AIG1: variants seen among roughly 807,000 people sequenced by gnomAD.
AIG1 encodes androgen induced 1.
AIG1 carries 23 observed loss-of-function variants against 31.4 expected under a neutral mutation model. That is an observed-to-expected ratio of 0.73 (90% CI 0.53 to 1.04). The LOEUF (loss-of-function observed/expected upper bound fraction) is 1.04, where lower values mean the gene tolerates loss of function less well. Among genes scored for constraint, AIG1 ranks in the 50% least tolerant of loss-of-function variants. The pLI is 0.00. For missense variants in AIG1, 274 were observed against 295.0 expected, an observed-to-expected ratio of 0.93 and a Z score of 0.52; for synonymous variants, 100 against 110.5, an observed-to-expected ratio of 0.90 and a Z score of 0.60.
chr6:143,208,963 C>T (rs1337383969), intron 3 of AIG1, among the ~76,000 whole-genome samples: 1 of 151,914 alleles, frequency 6.6e-6, no homozygotes, highest in Non-Finnish European at 1.5e-5. Context: ...CTGCAGTAGC[C>T]AAATGGCAGC....
Position 143,220,736 on chromosome 6 carries a change from C to T in AIG1, c.399+55553C>T, listed in dbSNP as rs150738560. On this transcript the variant is annotated intron_variant, in intron 3 of 5. Coordinates refer to ENST00000357847, the MANE Select transcript of AIG1 (RefSeq NM_016108.4). ...GTGATACCAATAACTGCTTACACTTCGAGTGTTTATTGGGCCTCTCCTTGA... is the reference window on the plus strand; with the variant it reads ...GTGATACCAATAACTGCTTACACTTTGAGTGTTTATTGGGCCTCTCCTTGA... Among the ~76,000 whole-genome samples the T allele has an allele frequency of 3.7e-3, 565 of 152,330 alleles. 4 individuals are homozygous for T. The highest frequency in any genetic ancestry group is 0.013 in the African/African-American group (536 of 41,578).
Position 143,279,852 on chromosome 6 carries a change from C to A in AIG1, c.400-4258C>A, listed in dbSNP as rs887609007. 6.6e-6 allele frequency among the ~76,000 whole-genome samples: 1 copy of A among 152,178 alleles called. No individual in the cohort carries two copies. Among genetic ancestry groups the A allele is most frequent in the Non-Finnish European group, 1.5e-5 (1 of 68,024 alleles). On this transcript the variant is annotated intron_variant, in intron 3 of 5. Coordinates refer to ENST00000357847, the MANE Select transcript of AIG1 (RefSeq NM_016108.4). The surrounding 1 kb of genome is among the most constrained non-coding windows in gnomAD (Gnocchi z 5.4). ...TTGGGATAGGTTCACCACTTATATC[C>A]TAGACCAGTACTTTCTAGGATGGAC...
intron 3 of AIG1, among the ~76,000 whole-genome samples, chr6:143,204,732 T>C (rs1321971161): frequency 1.3e-5 from 2 of 151,854 alleles, no homozygotes; most frequent in African/African-American, 2.4e-5. Context: ...GGAGTCCAAA[T>C]TGAGAGCAAA....
intron 3 of AIG1, among the ~76,000 whole-genome samples, chr6:143,282,726 C>A (rs764323090): frequency 1.2e-4 from 19 of 152,164 alleles, no homozygotes; most frequent in Non-Finnish European, 2.4e-4. Flanking sequence ...CAAAGATCAT[C>A]CACTGTCTTA....
At chr6:143,259,157 A>T (rs1469115396) in intron 3 of AIG1, among the ~76,000 whole-genome samples, 1 of 152,174 alleles carries the variant, frequency 6.6e-6, no homozygotes, top group Admixed American at 6.5e-5. Flanking sequence ...TCCTTATCAG[A>T]TGCAGCTACC....
intron 1 of AIG1, among the ~76,000 whole-genome samples, chr6:143,081,391 T>G (rs1002220486): frequency 3.3e-5 from 5 of 152,024 alleles, no homozygotes; most frequent in African/African-American, 1.2e-4. Context: ...ATTAGTACTT[T>G]TATTACCTCT....
intron 2 of AIG1, among the ~76,000 whole-genome samples, chr6:143,157,184 C>G (rs376138837): frequency 2.4e-4 from 37 of 152,328 alleles, no homozygotes; most frequent in African/African-American, 8.7e-4. Flanking sequence ...AAAGTCTTGG[C>G]AATTAGGAGT....
At chr6:143,068,043 G>C (rs562117045) in intron 1 of AIG1, among the ~76,000 whole-genome samples, 1 of 152,294 alleles carries the variant, frequency 6.6e-6, no homozygotes, top group South Asian at 2.1e-4. Flanking sequence ...GGTTTTGTTA[G>C]AGTGGGGGAA....
chr6:143,092,227 C>G (rs964157421), intron 1 of AIG1, among the ~76,000 whole-genome samples: 26 of 151,848 alleles, frequency 1.7e-4, no homozygotes, highest in African/African-American at 6.3e-4. Flanking sequence ...GCCTCAGCCT[C>G]TCATGTAGCT....
intron 3 of AIG1, among the ~76,000 whole-genome samples, chr6:143,190,871 C>G (rs529292597): frequency 1.3e-5 from 2 of 152,198 alleles, no homozygotes; most frequent in Non-Finnish European, 2.9e-5. Flanking sequence ...ATGCTTTCTT[C>G]TTTCCATGCC....
intron 3 of AIG1, among the ~76,000 whole-genome samples, chr6:143,255,359 T>C (rs1030929055): frequency 2.0e-5 from 3 of 152,122 alleles, no homozygotes; most frequent in Non-Finnish European, 2.9e-5. Flanking sequence ...AAGATCAAGG[T>C]GTTGGCAGGT....
In AIG1 at chr6:143,334,341, G is replaced by A. The variant is rs1315156183; in HGVS notation, c.679+896G>A. On this transcript the variant is annotated intron_variant, in intron 5 of 5. Transcript: ENST00000357847. This position sits in a 1 kb window ranked among gnomAD's most constrained non-coding sequence, Gnocchi z 5.1. ...ACACAGACATTGAGCACCCTGCTTT[G>A]TGCCAGACACCCTGCCAGGAGCTCA... is the stretch of plus-strand genomic sequence containing the variant. Among the ~76,000 whole-genome samples the A allele has an allele frequency of 1.3e-5, 2 of 152,218 alleles. No individual in the cohort carries two copies. The highest frequency in any genetic ancestry group is 2.9e-5 in the Non-Finnish European group (2 of 68,034).
At chr6:143,252,483 T>C (rs1324678570) in intron 3 of AIG1, among the ~76,000 whole-genome samples, 1 of 152,044 alleles carries the variant, frequency 6.6e-6, no homozygotes, top group Non-Finnish European at 1.5e-5. Flanking sequence ...ATTGAATAAA[T>C]GGAAAATGAG....
rs1215664974 is a variant in AIG1 at position 143,299,678 on chromosome 6, G to C, written c.515+15453G>C. On this transcript the variant is annotated intron_variant, in intron 4 of 5. Transcript: ENST00000357847. This position sits in a 1 kb window ranked among gnomAD's most constrained non-coding sequence, Gnocchi z 4.1. ...CCACAGTATGATGCTGCACAGTCAT[G>C]TAATTTATGACACACAAAACTCTTC... is the stretch of plus-strand genomic sequence containing the variant. 6.6e-6 allele frequency: 1 copy of C among 152,224 alleles called. No individual in the cohort carries two copies. Among genetic ancestry groups the C allele is most frequent in the Admixed American group, 6.5e-5 (1 of 15,278 alleles). 9.4% of individuals were successfully genotyped at this position (152,224 alleles called of 1,614,324 possible).
chr6:143,127,152 G>T (rs1489129173), intron 1 of AIG1, among the ~76,000 whole-genome samples: 2 of 152,124 alleles, frequency 1.3e-5, no homozygotes, highest in African/African-American at 4.8e-5. Flanking sequence ...AAGAGACCAG[G>T]TCGATTTTTC....
At position 143,284,030 on chromosome 6, in the gene AIG1, G is replaced by T. The variant is rs1562555572; in HGVS notation, c.400-80G>T. ...ACACTTTCCTAGGAATTTATAGTGT[G>T]CATTCTCCTACTGGTGAAAAAACAA... On this transcript the variant is annotated intron_variant, in intron 3 of 5. Transcript: ENST00000357847. The surrounding 1 kb of genome is among the most constrained non-coding windows in gnomAD (Gnocchi z 4.4). 1 of 964,882 alleles carries T rather than the reference G, an allele frequency of 1.0e-6. No individual in the cohort carries two copies. 59.8% of individuals were successfully genotyped at this position (964,882 alleles called of 1,614,324 possible).
At chr6:143,313,852 T>A (rs1168535172) in intron 4 of AIG1, among the ~76,000 whole-genome samples, 2 of 151,990 alleles carry the variant, frequency 1.3e-5, no homozygotes, top group Non-Finnish European at 2.9e-5. Flanking sequence ...CAAAACTTTT[T>A]AAAAATTTAA....
chr6:143,182,413 A>G (rs562510701), intron 3 of AIG1, among the ~76,000 whole-genome samples: 37 of 152,270 alleles, frequency 2.4e-4, no homozygotes, highest in African/African-American at 8.7e-4. Flanking sequence ...GTAGATGTTA[A>G]TGGATCAAGC....
intron 3 of AIG1, among the ~76,000 whole-genome samples, chr6:143,219,282 C>A (rs1301864203): frequency 6.6e-6 from 1 of 152,170 alleles, no homozygotes; most frequent in Non-Finnish European, 1.5e-5. Flanking sequence ...CCTTCAGGCT[C>A]AGTTTGAGGC....
Sources: allele counts gnomAD v4.1 joint callset (sites outside exome capture counted in the v4.1 genomes callset), GRCh38; gene constraint gnomAD v4.1.1; non-coding constraint Gnocchi (gnomAD v3.1); transcripts MANE v1.5; gene names NCBI Gene and HGNC (gene_info 2026-07-23, HGNC 2026-07-21).